Variants in DAB1 observed in about 807,000 individuals in gnomAD.
DAB1 encodes the protein disabled homolog 1.
Under a neutral mutation model 64.6 loss-of-function variants are expected in DAB1, and 15 were observed. The ratio of observed to expected loss-of-function variants is 0.23; its 90% CI spans 0.16 to 0.36. The LOEUF is 0.36. Ranked by LOEUF, DAB1 falls within the 10% of genes least tolerant of loss-of-function variation. The pLI is 1.00. For synonymous variants in DAB1, 235 were observed against 251.9 expected, an observed-to-expected ratio of 0.93 and a Z score of 0.64; for missense variants, 596 against 706.7, an observed-to-expected ratio of 0.84 and a Z score of 1.78.
At chr1:57,743,693 C>G (rs988913171) in intron 6 of DAB1, among the ~76,000 whole-genome samples, 4 of 152,142 alleles carry the variant, frequency 2.6e-5, no homozygotes, top group Admixed American at 1.3e-4. Context: ...GCAGCTCGGT[C>G]CAGGAGACCC....
intron 1 of DAB1, among the ~76,000 whole-genome samples, chr1:57,383,410 T>C (rs1243259953): frequency 6.6e-6 from 1 of 152,112 alleles, no homozygotes; most frequent in Non-Finnish European, 1.5e-5. Flanking sequence ...TCTCTGCACA[T>C]TACTGGCAGG....
intron 5 of DAB1, among the ~76,000 whole-genome samples, chr1:57,977,197 C>G (rs1570138549): frequency 1.3e-5 from 2 of 152,250 alleles, no homozygotes; most frequent in South Asian, 4.2e-4. Flanking sequence ...GGCAACAAAC[C>G]CACTCCTGCC....
intron 4 of DAB1, among the ~76,000 whole-genome samples, chr1:58,196,932 C>T (rs1657707980): frequency 6.6e-6 from 1 of 152,226 alleles, no homozygotes; most frequent in African/African-American, 2.4e-5. Context: ...AGCTAAACTA[C>T]ATGTTTCAGC....
chr1:58,064,781 G>A (rs6664541), intron 5 of DAB1, among the ~76,000 whole-genome samples: 35,533 of 151,822 alleles, frequency 0.23, 4,295 homozygotes, highest in Non-Finnish European at 0.26. Flanking sequence ...GAGTGCAGTG[G>A]CGTGATCTCG....
intron 4 of DAB1, among the ~76,000 whole-genome samples, chr1:58,255,240 A>T (rs931418173): frequency 6.7e-6 from 1 of 149,260 alleles, no homozygotes; most frequent in Non-Finnish European, 1.5e-5. Flanking sequence ...CCACTTTTTG[A>T]TGGGGTTGTT....
intron 7 of DAB1, among the ~76,000 whole-genome samples, chr1:57,492,296 A>G (rs971813832): frequency 6.6e-5 from 10 of 152,372 alleles, no homozygotes; most frequent in African/African-American, 2.2e-4. Context: ...TTACTGCTTA[A>G]TAGCTGTGAA....
chr1:58,379,222 C>T (rs114450372), intron 3 of DAB1, among the ~76,000 whole-genome samples: 2,789 of 152,324 alleles, frequency 0.018, 43 homozygotes, highest in Non-Finnish European at 0.028. Context: ...TTACTATTTT[C>T]TTCCATGGCT....
At chr1:58,159,877 G>C (rs1427676701) in intron 4 of DAB1, among the ~76,000 whole-genome samples, 1 of 152,158 alleles carries the variant, frequency 6.6e-6, no homozygotes, top group African/African-American at 2.4e-5. Context: ...GGTGAAGTTA[G>C]AGTTAAGGAG....
chr1:58,272,632 G>A (rs1661332934), intron 4 of DAB1, among the ~76,000 whole-genome samples: 2 of 136,110 alleles, frequency 1.5e-5, no homozygotes. Context: ...GGGTGTTAAA[G>A]TCTCCCATTA....
At chr1:57,962,361 C>T (rs780815097) in intron 5 of DAB1, among the ~76,000 whole-genome samples, 1 of 152,064 alleles carries the variant, frequency 6.6e-6, no homozygotes, top group Non-Finnish European at 1.5e-5. Flanking sequence ...TGTATTTGTA[C>T]AGAGACATTT....
At chr1:58,183,646 C>A in intron 4 of DAB1, among the ~76,000 whole-genome samples, 1 of 149,482 alleles carries the variant, frequency 6.7e-6, no homozygotes, top group Admixed American at 6.7e-5. Context: ...CTTCTTTGCA[C>A]GTCTTGTTTG....
intron 1 of DAB1, among the ~76,000 whole-genome samples, chr1:57,838,435 G>T (rs1047247754): frequency 1.3e-5 from 2 of 151,874 alleles, no homozygotes; most frequent in African/African-American, 4.8e-5. Context: ...TTTAGGTAAT[G>T]AATATATATT....
At position 58,257,348 on chromosome 1, in the gene DAB1, C is replaced by A. The variant is rs547893851; in HGVS notation, n.309+86004G>T. Among the ~76,000 whole-genome samples the A allele has an allele frequency of 3.3e-3, 498 of 152,288 alleles. 1 individual carries two copies. Among genetic ancestry groups the A allele is most frequent in the African/African-American group, 0.011 (463 of 41,542 alleles). On this transcript the variant is annotated intron_variant and non_coding_transcript_variant, in intron 4 of 20. Transcript: ENST00000485760. Reference sequence around the variant, plus strand: ...TGCAGCTTGTGCATCATACAAAGGTCCCCAGATGAAGACATGAGGTTGGCC... The same window carrying A: ...TGCAGCTTGTGCATCATACAAAGGTACCCAGATGAAGACATGAGGTTGGCC...
intron 7 of DAB1, among the ~76,000 whole-genome samples, chr1:57,634,689 G>A (rs1309140494): frequency 6.6e-6 from 1 of 152,184 alleles, no homozygotes; most frequent in African/African-American, 2.4e-5. Context: ...TGCCAGGACT[G>A]TTTTAGGTGC....
intron 7 of DAB1, among the ~76,000 whole-genome samples, chr1:57,542,932 G>C (rs887663619): frequency 2.0e-5 from 3 of 152,118 alleles, no homozygotes; most frequent in East Asian, 1.9e-4. Flanking sequence ...CACTTGCTCT[G>C]GGGGGAAGCC....
chr1:58,007,556 G>C (rs1033234910), intron 5 of DAB1, among the ~76,000 whole-genome samples: 2 of 152,178 alleles, frequency 1.3e-5, no homozygotes, highest in African/African-American at 4.8e-5. Context: ...CATTGGCAGG[G>C]CTCAGAGATG....
At chr1:58,469,615 A>G (rs1645334683) in intron 3 of DAB1, among the ~76,000 whole-genome samples, 1 of 152,228 alleles carries the variant, frequency 6.6e-6, no homozygotes, top group Non-Finnish European at 1.5e-5. Flanking sequence ...TTTCTAAAGC[A>G]GCAATTTGTG....
rs565734675 is a variant in DAB1, at chr1:57,717,796, C to T, written n.552-68131G>A. On this transcript the variant is annotated intron_variant and non_coding_transcript_variant, in intron 6 of 20. Transcript: ENST00000485760. ...AATATTATTCAGCCATAAAAAATAACATTCTGTCATTTTTGGCAATGTAGA... is the reference window on the plus strand; with the variant it reads ...AATATTATTCAGCCATAAAAAATAATATTCTGTCATTTTTGGCAATGTAGA... Among the ~76,000 whole-genome samples the T allele has an allele frequency of 7.2e-5, 11 of 152,104 alleles. 1 individual carries two copies. The highest frequency in any genetic ancestry group is 5.2e-4 in the Admixed American group (8 of 15,282).
At position 57,364,684 on chromosome 1, in the gene DAB1, A is replaced by G. The variant is rs141414408; in HGVS notation, c.-137+59246T>C. 4.6e-5 allele frequency among the ~76,000 whole-genome samples: 7 copies of G among 152,190 alleles called. No individual in the cohort carries two copies. In the East Asian group the frequency reaches 1.2e-3, roughly 25 times the overall value. ...TTACTAGATTAGAAAATAAATATAT[A>G]CACTCTTAGAAGGGAATACTACTAA... On this transcript the variant is annotated intron_variant, in intron 1 of 14. Transcript: ENST00000371236.
Sources: allele counts gnomAD v4.1 joint callset (sites outside exome capture counted in the v4.1 genomes callset), GRCh38; gene constraint gnomAD v4.1.1; transcripts MANE v1.5; gene names NCBI Gene and HGNC (gene_info 2026-07-23, HGNC 2026-07-21).